The following MYO6 variants were observed in gnomAD, a reference collection of about 807,000 sequenced individuals.
MYO6 encodes the protein unconventional myosin-VI.
MYO6 carries 74 observed loss-of-function variants against 178.7 expected under a neutral mutation model. The ratio of observed to expected loss-of-function variants is 0.41; its 90% CI spans 0.34 to 0.50. MYO6 has a LOEUF of 0.50. MYO6 is among the 20% of genes least tolerant of loss of function. The probability of loss-of-function intolerance (pLI) is 0.09; values close to 1 mark genes in which losing one functional copy is unlikely to be tolerated. For synonymous variants in MYO6, 477 were observed against 504.6 expected (o/e 0.95, Z 0.73); for missense variants, 1,330 against 1,547.4 (o/e 0.86, Z 2.36).
chr6:75,869,550 T>A (rs1406711204), intron 18 of MYO6, among the ~76,000 whole-genome samples: 2 of 152,218 alleles, frequency 1.3e-5, no homozygotes, highest in African/African-American at 4.8e-5. Context: ...TAGCTATGAT[T>A]AATACAATGT....
At chr6:75,835,120 C>T (rs1266939047) in intron 6 of MYO6, among the ~76,000 whole-genome samples, 1 of 152,110 alleles carries the variant, frequency 6.6e-6, no homozygotes, top group Non-Finnish European at 1.5e-5. Flanking sequence ...GGCAGATTGC[C>T]TCATTTTCTG....
At chr6:75,894,891 C>A in intron 28 of MYO6, 3 of 1,176,918 alleles carry the variant, frequency 2.5e-6, no homozygotes, top group South Asian at 1.6e-5. Flanking sequence ...TAATTTCAAT[C>A]AATTACACAT....
At chr6:75,865,553 T>A (rs1241424558) in intron 16 of MYO6, among the ~76,000 whole-genome samples, 2 of 151,338 alleles carry the variant, frequency 1.3e-5, no homozygotes, top group East Asian at 3.9e-4. Flanking sequence ...TTTATAGAGA[T>A]GGGGTTTTGC....
chr6:75,861,215 GAGA>G (rs1252084232), intron 15 of MYO6, 120 bp downstream of exon 15: 7 of 838,120 alleles, frequency 8.4e-6, no homozygotes, highest in Non-Finnish European at 1.0e-5. Flanking sequence ...TGGTATTTGA[GAGA>G]AGGTTACTTC....
intron 1 of MYO6, among the ~76,000 whole-genome samples, chr6:75,777,255 T>C (rs979944126): frequency 7.9e-5 from 12 of 152,196 alleles, no homozygotes; most frequent in Admixed American, 6.5e-4. Context: ...CAGGGCCTAG[T>C]ACTCCCAAGC....
intron 1 of MYO6, among the ~76,000 whole-genome samples, chr6:75,764,549 C>T (rs1306603930): frequency 6.6e-6 from 1 of 152,130 alleles, no homozygotes; most frequent in Non-Finnish European, 1.5e-5. Context: ...CTTGTCTACT[C>T]TACCTAGATT....
chr6:75,891,981 A>G (rs1778936006), intron 27 of MYO6, among the ~76,000 whole-genome samples: 1 of 151,668 alleles, frequency 6.6e-6, no homozygotes, highest in South Asian at 2.1e-4. Context: ...TTGTTTTTAT[A>G]CCTAGGGGAA....
chr6:75,872,661 C>G (rs1777245339), intron 19 of MYO6, among the ~76,000 whole-genome samples: 1 of 152,082 alleles, frequency 6.6e-6, no homozygotes, highest in African/African-American at 2.4e-5. Flanking sequence ...CAGTGAAAGA[C>G]TTCTCTTTTT....
intron 1 of MYO6, among the ~76,000 whole-genome samples, chr6:75,810,746 G>T (rs1279171127): frequency 2.0e-5 from 3 of 152,200 alleles, no homozygotes; most frequent in Non-Finnish European, 4.4e-5. Context: ...AAACTGGGCT[G>T]TGCAGGCCTG....
intron 7 of MYO6, 25 bp from the exon 8 acceptor site, chr6:75,840,560 G>A: frequency 6.6e-7 from 1 of 1,507,600 alleles, no homozygotes; most frequent in Non-Finnish European, 9.2e-7. Flanking sequence ...CTAATTTTTT[G>A]ATGGATTTTT....
chr6:75,914,706 A>G, intron 34 of MYO6, 107 bp from the exon 35 acceptor site: 3 of 1,081,064 alleles, frequency 2.8e-6, no homozygotes, highest in Non-Finnish European at 2.8e-6. Context: ...AAAAAGTCTT[A>G]GGAAGTTTTC....
intron 10 of MYO6, among the ~76,000 whole-genome samples, chr6:75,847,384 T>TCA (rs1774825850): frequency 6.6e-6 from 1 of 152,132 alleles, no homozygotes; most frequent in Non-Finnish European, 1.5e-5. Flanking sequence ...TCTTTAATGA[T>TCA]CAGTTAATCA....
chr6:75,834,090 A>G (rs1285465254), intron 6 of MYO6, among the ~76,000 whole-genome samples: 1 of 152,094 alleles, frequency 6.6e-6, no homozygotes, highest in Non-Finnish European at 1.5e-5. Flanking sequence ...GGTTAAAACC[A>G]TTTTTTACCT....
rs561451008 is a variant in MYO6, at chr6:75,917,391, A to C, written c.*2379A>C. 1.3e-5 allele frequency: 2 copies of C among 152,820 alleles called. No individual in the cohort carries two copies. The highest frequency in any genetic ancestry group is 2.9e-5 in the Non-Finnish European group (2 of 68,042). The allele number at this position is 152,820 out of a possible 1,614,324, so 9.5% of individuals were successfully genotyped here. A position where few individuals can be genotyped will look rare whatever the true frequency, so the allele number is the denominator to read the frequency against. ...TAAAATGAGAGGACAGAATGTTTTC[A>C]CATTTGATTCAATTTTAATATAATT... On this transcript the variant is annotated 3_prime_UTR_variant, in exon 35 of 35. Transcript: ENST00000369977.
chr6:75,864,166 TCAAA>T (rs1776453459), intron 16 of MYO6, among the ~76,000 whole-genome samples: 1 of 152,354 alleles, frequency 6.6e-6, no homozygotes, highest in South Asian at 2.1e-4. Flanking sequence ...AAATTGCCTC[TCAAA>T]CAAACTGTAT....
At chr6:75,848,745 G>T (rs1774978210) in intron 11 of MYO6, among the ~76,000 whole-genome samples, 1 of 152,014 alleles carries the variant, frequency 6.6e-6, no homozygotes, top group Non-Finnish European at 1.5e-5. Context: ...TATTGCTTAG[G>T]AATAAACCTC....
intron 30 of MYO6, among the ~76,000 whole-genome samples, chr6:75,900,059 A>G (rs1256029668): frequency 6.6e-6 from 1 of 151,954 alleles, no homozygotes; most frequent in Admixed American, 6.6e-5. Context: ...TGCAAAGGAC[A>G]TGAACTCATC....
At chr6:75,767,149 C>A (rs1583009303) in intron 1 of MYO6, among the ~76,000 whole-genome samples, 1 of 152,152 alleles carries the variant, frequency 6.6e-6, no homozygotes, top group South Asian at 2.1e-4. Flanking sequence ...CCTCAGCCAC[C>A]TGAGTAGATG....
At chr6:75,810,412 T>C (rs903279972) in intron 1 of MYO6, among the ~76,000 whole-genome samples, 2 of 152,158 alleles carry the variant, frequency 1.3e-5, no homozygotes, top group Non-Finnish European at 2.9e-5. Flanking sequence ...CAGAGTCAGG[T>C]TGAAATGTGT....
Sources: gnomAD v4.1 joint callset for allele counts (sites outside exome capture counted in the v4.1 genomes callset) on GRCh38, gnomAD v4.1.1 for gene constraint, MANE v1.5 for transcripts, NCBI Gene and HGNC (gene_info 2026-07-23, HGNC 2026-07-21) for gene names.